Variants in TCF12 observed in about 807,000 individuals in gnomAD.
TCF12 encodes the protein DNA-binding protein HTF4.
A neutral mutation model predicts 86.0 loss-of-function variants in TCF12; 45 were observed. The ratio of observed to expected loss-of-function variants is 0.52; its 90% CI spans 0.41 to 0.67. TCF12 has a LOEUF of 0.67. Among genes scored for constraint, TCF12 ranks in the 30% least tolerant of loss-of-function variants. The probability of loss-of-function intolerance (pLI) is 0.00; values close to 1 mark genes in which losing one functional copy is unlikely to be tolerated. For synonymous variants in TCF12, 330 were observed against 299.6 expected, an observed-to-expected ratio of 1.10 and a Z score of -1.05; for missense variants, 881 against 859.9, an observed-to-expected ratio of 1.02 and a Z score of -0.31.
At chr15:57,213,952 T>C (rs1372884510) in intron 8 of TCF12, 2 of 152,232 alleles carry the variant, frequency 1.3e-5, no homozygotes, top group East Asian at 3.8e-4. Flanking sequence ...CATTGTTTTT[T>C]TTAATGTGTG....
intron 3 of TCF12, among the ~76,000 whole-genome samples, chr15:56,993,641 G>A (rs997647910): frequency 2.6e-5 from 4 of 152,136 alleles, no homozygotes; most frequent in African/African-American, 7.2e-5. Context: ...CTAACCATTC[G>A]ATGATACAAA....
intron 4 of TCF12, among the ~76,000 whole-genome samples, chr15:57,067,066 T>C (rs1173125945): frequency 6.6e-6 from 1 of 152,180 alleles, no homozygotes; most frequent in Non-Finnish European, 1.5e-5. Flanking sequence ...CTTTCAGAAT[T>C]AGGAAAAGTC....
chr15:57,279,272 G>T (rs1206582397), intron 19 of TCF12, among the ~76,000 whole-genome samples: 1 of 152,118 alleles, frequency 6.6e-6, no homozygotes, highest in Admixed American at 6.5e-5. Flanking sequence ...TATTTTCCTA[G>T]TCATAATAAT....
At chr15:57,072,766 T>A in intron 4 of TCF12, 1 of 1,182,392 alleles carries the variant, frequency 8.5e-7, no homozygotes, top group Non-Finnish European at 1.1e-6. Flanking sequence ...TCTGTTTTGT[T>A]ATGTAACTGC....
intron 6 of TCF12, among the ~76,000 whole-genome samples, chr15:57,181,059 C>T (rs1415771227): frequency 6.6e-6 from 1 of 151,868 alleles, no homozygotes; most frequent in East Asian, 1.9e-4. Flanking sequence ...CGTGATCCGC[C>T]CGCCTCGGTC....
intron 5 of TCF12, among the ~76,000 whole-genome samples, chr15:57,113,681 T>A (rs1596593178): frequency 1.3e-5 from 2 of 151,598 alleles, no homozygotes; most frequent in African/African-American, 4.8e-5. Context: ...GCTTAACACC[T>A]GTAATTCCAG....
At chr15:57,198,779 G>A (rs2057393949) in intron 8 of TCF12, among the ~76,000 whole-genome samples, 1 of 152,146 alleles carries the variant, frequency 6.6e-6, no homozygotes, top group South Asian at 2.1e-4. Flanking sequence ...ATGGGCGCAG[G>A]TGCCGCCAGA....
chr15:56,932,678 T>C (rs896698377), intron 3 of TCF12, among the ~76,000 whole-genome samples: 3 of 152,010 alleles, frequency 2.0e-5, no homozygotes, highest in Non-Finnish European at 4.4e-5. Context: ...AAGCGATTTT[T>C]GTGCCTCAGC....
chr15:56,984,529 G>C (rs1247844747), intron 3 of TCF12, among the ~76,000 whole-genome samples: 2 of 152,090 alleles, frequency 1.3e-5, no homozygotes, highest in Admixed American at 1.3e-4. Context: ...CAGACAATTA[G>C]AGTGTTCTGT....
chr15:56,933,434 G>A (rs1251516801), intron 3 of TCF12, among the ~76,000 whole-genome samples: 1 of 152,132 alleles, frequency 6.6e-6, no homozygotes, highest in Non-Finnish European at 1.5e-5. Context: ...TTTGTTCTGT[G>A]TAGAATGGTT....
intron 3 of TCF12, among the ~76,000 whole-genome samples, chr15:56,992,454 A>G (rs1371601747): frequency 6.6e-6 from 1 of 152,242 alleles, no homozygotes; most frequent in African/African-American, 2.4e-5. Flanking sequence ...TTCTTCTGAA[A>G]TAAAACATGT....
chr15:57,174,727 C>T (rs545580622), intron 6 of TCF12, among the ~76,000 whole-genome samples: 3 of 152,150 alleles, frequency 2.0e-5, no homozygotes, highest in African/African-American at 7.2e-5. Flanking sequence ...TTTCTGTACA[C>T]TATCAGCAAA....
At chr15:57,068,402 G>T (rs1238548348) in intron 4 of TCF12, among the ~76,000 whole-genome samples, 1 of 152,148 alleles carries the variant, frequency 6.6e-6, no homozygotes, top group Non-Finnish European at 1.5e-5. Flanking sequence ...TGTATTCTAA[G>T]TGTAATAAAT....
chr15:57,123,254 C>T (rs1382368422), intron 5 of TCF12, among the ~76,000 whole-genome samples: 2 of 152,122 alleles, frequency 1.3e-5, no homozygotes, highest in Admixed American at 1.3e-4. Context: ...AAGTCTGAGG[C>T]TTTTGCAATA....
rs1473519770 is a variant in TCF12, at chr15:57,211,966, GCACACACACACACCACACACACACA to G, written c.579+14155_579+14179del. Among the ~76,000 whole-genome samples the G allele has an allele frequency of 5.6e-4, 79 of 141,012 alleles. 1 individual carries two copies. Among genetic ancestry groups the G allele is most frequent in the Middle Eastern group, 3.6e-3 (1 of 276 alleles). The allele number at this position is 141,012 out of a possible 152,430, so 92.5% of individuals were successfully genotyped here. On this transcript the variant is annotated intron_variant, in intron 8 of 20. Coordinates refer to ENST00000333725, the MANE Select transcript of TCF12 (RefSeq NM_207037.2). ...AGGACTTTGAGACATACACACACAC[GCACACACACACACCACACACACACA>G]CACACACACACACACACTTTAAGAT...
At chr15:57,040,849 A>T (rs2066851017) in intron 3 of TCF12, among the ~76,000 whole-genome samples, 1 of 152,130 alleles carries the variant, frequency 6.6e-6, no homozygotes, top group East Asian at 1.9e-4. Flanking sequence ...TTTATTTGTG[A>T]TTATATAGTT....
At chr15:57,214,590 T>G (rs1238241860) in intron 8 of TCF12, among the ~76,000 whole-genome samples, 1 of 152,216 alleles carries the variant, frequency 6.6e-6, no homozygotes, top group Admixed American at 6.5e-5. Context: ...AAAGAAACAG[T>G]ATGACATCTG....
At chr15:57,186,758 A>G (rs143180674) in intron 6 of TCF12, among the ~76,000 whole-genome samples, 226 of 152,370 alleles carry the variant, frequency 1.5e-3, no homozygotes, top group East Asian at 2.9e-3. Flanking sequence ...ATTATACATC[A>G]CAGCTAAGGG....
At chr15:56,985,117 C>G (rs1340418949) in intron 3 of TCF12, among the ~76,000 whole-genome samples, 1 of 152,164 alleles carries the variant, frequency 6.6e-6, no homozygotes, top group Non-Finnish European at 1.5e-5. Context: ...CAGATCTGAA[C>G]AAACATTATT....
Sources: gnomAD v4.1 joint callset for allele counts (sites outside exome capture counted in the v4.1 genomes callset) on GRCh38, gnomAD v4.1.1 for gene constraint, MANE v1.5 for transcripts, NCBI Gene and HGNC (gene_info 2026-07-23, HGNC 2026-07-21) for gene names.